The following PRKG2 variants were observed in gnomAD, a reference collection of about 807,000 sequenced individuals.
PRKG2 encodes protein kinase cGMP-dependent 2.
PRKG2 carries 33 observed loss-of-function variants against 97.2 expected under a neutral mutation model. That is an observed-to-expected ratio of 0.34 (90% CI 0.26 to 0.45). The LOEUF is 0.45. Among genes scored for constraint, PRKG2 ranks in the 20% least tolerant of loss-of-function variants. The pLI is 1.00. For missense variants in PRKG2, 638 were observed against 900.0 expected (o/e 0.71, Z 3.73); for synonymous variants, 330 against 321.8 (o/e 1.03, Z -0.27).
chr4:81,176,610 A>G (rs1364748424), intron 2 of PRKG2, among the ~76,000 whole-genome samples: 1 of 152,174 alleles, frequency 6.6e-6, no homozygotes, highest in Admixed American at 6.5e-5. Context: ...GCCCACATAT[A>G]CTAATTTTCC....
chr4:81,128,005 AT>A (rs1191693942), intron 14 of PRKG2, among the ~76,000 whole-genome samples: 4 of 152,186 alleles, frequency 2.6e-5, no homozygotes, highest in Non-Finnish European at 4.4e-5. Context: ...GATACGTTCC[AT>A]TAATGCCTAG....
intron 15 of PRKG2, 118 bp from the exon 16 acceptor site, chr4:81,106,053 T>C: frequency 6.6e-6 from 8 of 1,217,872 alleles, no homozygotes; most frequent in Non-Finnish European, 9.0e-6. Context: ...TTCCTCTCTC[T>C]GTCTCAGTTG....
chr4:81,092,476 G>T, intron 17 of PRKG2, 24 bp from the exon 18 acceptor site: 1 of 814,488 alleles, frequency 1.2e-6, no homozygotes, highest in Non-Finnish European at 2.0e-6. Context: ...AAGGAAGGAA[G>T]GAAGGAAGGA....
chr4:81,090,638 C>T (rs1231583401), intron 18 of PRKG2, among the ~76,000 whole-genome samples: 1 of 152,058 alleles, frequency 6.6e-6, no homozygotes, highest in African/African-American at 2.4e-5. Flanking sequence ...GTAAGTAATG[C>T]CTAACTGAAT....
intron 9 of PRKG2, among the ~76,000 whole-genome samples, chr4:81,146,258 A>AC: frequency 6.6e-6 from 1 of 152,212 alleles, no homozygotes; most frequent in East Asian, 1.9e-4. Flanking sequence ...ATAGGTCTCT[A>AC]GAAATTCTCC....
At chr4:81,182,145 T>C (rs562360565) in intron 2 of PRKG2, among the ~76,000 whole-genome samples, 8 of 151,816 alleles carry the variant, frequency 5.3e-5, no homozygotes, top group South Asian at 2.1e-4. Context: ...TAAGGAGTTA[T>C]ACTACAAAAA....
chr4:81,125,402 CTG>C (rs1252888432), intron 14 of PRKG2, among the ~76,000 whole-genome samples: 2 of 152,200 alleles, frequency 1.3e-5, no homozygotes, highest in Admixed American at 1.3e-4. Context: ...AGATACTCTT[CTG>C]TGTGTGGCTT....
At chr4:81,177,663 G>A (rs1253286688) in intron 2 of PRKG2, among the ~76,000 whole-genome samples, 1 of 152,048 alleles carries the variant, frequency 6.6e-6, no homozygotes, top group East Asian at 1.9e-4. Flanking sequence ...TCGCGCCACT[G>A]CACTCCAGCC....
At chr4:81,179,134 CAA>C (rs575898558) in intron 2 of PRKG2, among the ~76,000 whole-genome samples, 1 of 120,062 alleles carries the variant, frequency 8.3e-6, no homozygotes, top group Non-Finnish European at 1.9e-5. Flanking sequence ...CAAAAACAAA[CAA>C]AAAAAAAAAG....
intron 14 of PRKG2, among the ~76,000 whole-genome samples, chr4:81,125,652 G>A (rs1171756151): frequency 2.0e-5 from 3 of 152,106 alleles, no homozygotes; most frequent in Admixed American, 1.3e-4. Context: ...TTCTTGTCAC[G>A]GAATAGGTAT....
intron 2 of PRKG2, among the ~76,000 whole-genome samples, chr4:81,200,292 A>T (rs1753222058): frequency 6.6e-6 from 1 of 152,142 alleles, no homozygotes; most frequent in East Asian, 1.9e-4. Context: ...TTATTCAGGA[A>T]CCCATATGTG....
At chr4:81,208,409 A>C (rs1036890126) in intron 1 of PRKG2, among the ~76,000 whole-genome samples, 5 of 152,268 alleles carry the variant, frequency 3.3e-5, no homozygotes, top group African/African-American at 1.2e-4. Context: ...GATGTCTTCC[A>C]CAAGAGTCTT....
intron 14 of PRKG2, among the ~76,000 whole-genome samples, chr4:81,111,309 C>A (rs1037408473): frequency 6.6e-6 from 1 of 152,080 alleles, no homozygotes; most frequent in Non-Finnish European, 1.5e-5. Flanking sequence ...ACATTCAGCA[C>A]CCAGTCAAGG....
At chr4:81,109,301 G>A (rs1743673515) in intron 15 of PRKG2, among the ~76,000 whole-genome samples, 1 of 152,230 alleles carries the variant, frequency 6.6e-6, no homozygotes, top group South Asian at 2.1e-4. Flanking sequence ...CATAAAGTAT[G>A]TGTTAAGACT....
At chr4:81,095,760 T>C (rs1194997684) in intron 17 of PRKG2, among the ~76,000 whole-genome samples, 1 of 152,228 alleles carries the variant, frequency 6.6e-6, no homozygotes, top group Non-Finnish European at 1.5e-5. Flanking sequence ...ATAGAGTCTA[T>C]TCTTGAAAGT....
chr4:81,216,493 T>C (rs1205249311), upstream of PRKG2, among the ~76,000 whole-genome samples: 3 of 152,148 alleles, frequency 2.0e-5, no homozygotes, highest in Non-Finnish European at 4.4e-5. Context: ...ATTAGCGATT[T>C]AATGACAAAA....
intron 9 of PRKG2, 104 bp from the exon 10 acceptor site, chr4:81,144,434 T>C: frequency 1.2e-6 from 1 of 833,832 alleles, no homozygotes; most frequent in Admixed American, 2.5e-5. Context: ...CCTGACTTTA[T>C]AAATCATTTT....
Position 81,148,964 on chromosome 4 carries a change from A to G in PRKG2, c.1086-12T>C, listed in dbSNP as rs777759334. 158 of 1,612,038 alleles carry G rather than the reference A, an allele frequency of 9.8e-5. No individual in the cohort carries two copies. The Middle Eastern group carries it at 1.5e-3, about 15-fold the overall frequency. On this transcript the variant is annotated splice_polypyrimidine_tract_variant and intron_variant, in intron 8 of 18. Transcript: ENST00000264399. Reference sequence around the variant, plus strand: ...ACCTGACATCATCACTGCAAACAAAAATAGGAAAGTCAATTTTCACTATAA... The same window carrying G: ...ACCTGACATCATCACTGCAAACAAAGATAGGAAAGTCAATTTTCACTATAA...
In PRKG2 at chr4:81,181,768, T is replaced by G. The variant is rs145469392; in HGVS notation, c.462-6809A>C. ...ATAGTTAAAAATTAAACTGCATTCT[T>G]GCCAAAATAGTTGTTCATACTATGT... On this transcript the variant is annotated intron_variant, in intron 2 of 18. Coordinates refer to ENST00000264399, the MANE Select transcript of PRKG2 (RefSeq NM_006259.3). Among the ~76,000 whole-genome samples, 287 of 152,092 alleles carry G rather than the reference T, an allele frequency of 1.9e-3. 1 individual carries two copies. The highest frequency in any genetic ancestry group is 6.4e-3 in the African/African-American group (264 of 41,546).
Sources: gnomAD v4.1 joint callset for allele counts (sites outside exome capture counted in the v4.1 genomes callset) on GRCh38, gnomAD v4.1.1 for gene constraint, MANE v1.5 for transcripts, NCBI Gene and HGNC (gene_info 2026-07-23, HGNC 2026-07-21) for gene names.